The following FAM117B variants were observed in gnomAD, a reference collection of about 807,000 sequenced individuals.
The protein encoded by FAM117B is family with sequence similarity 117 member B, also known as protein FAM117B.
In FAM117B, 22 loss-of-function variants were observed where a neutral mutation model predicts 52.8. The observed-to-expected ratio is 0.42, with a 90% CI of 0.30 to 0.59. FAM117B has a LOEUF of 0.59. FAM117B is among the 20% of genes least tolerant of loss of function. FAM117B has a pLI of 0.22. For missense variants in FAM117B, 678 were observed against 802.6 expected (o/e 0.84, Z 1.88); for synonymous variants, 309 against 324.1 (o/e 0.95, Z 0.50).
intron 3 of FAM117B, 152 bp downstream of exon 3, chr2:202,725,161 AT>A (rs1183439932): frequency 4.1e-6 from 2 of 493,624 alleles, no homozygotes; most frequent in African/African-American, 3.9e-5. Context: ...TATTGTGTTG[AT>A]TTAATAAAGA....
chr2:202,640,293 AAAATATATATATATATATATAT>A (rs1434393256), intron 1 of FAM117B, among the ~76,000 whole-genome samples: 13 of 61,684 alleles, frequency 2.1e-4, no homozygotes, highest in South Asian at 5.2e-4. Context: ...CCACCACCAC[AAAATATATATATATATATATAT>A]ATATATATAT....
intron 1 of FAM117B, among the ~76,000 whole-genome samples, chr2:202,694,651 A>C (rs1298541097): frequency 1.3e-5 from 2 of 152,076 alleles, no homozygotes; most frequent in Non-Finnish European, 2.9e-5. Context: ...TTGTTTGCTC[A>C]GAAATGAAAC....
chr2:202,715,580 C>T (rs1240671872), intron 2 of FAM117B, among the ~76,000 whole-genome samples: 10 of 150,794 alleles, frequency 6.6e-5, no homozygotes, highest in African/African-American at 2.2e-4. Flanking sequence ...CGGGAAGAGG[C>T]GCTCCTCACT....
At chr2:202,747,915 T>C (rs778271902) in intron 4 of FAM117B, among the ~76,000 whole-genome samples, 4 of 152,114 alleles carry the variant, frequency 2.6e-5, no homozygotes, top group Non-Finnish European at 5.9e-5. Flanking sequence ...AAATATTAAT[T>C]GTTTATGTTA....
intron 2 of FAM117B, among the ~76,000 whole-genome samples, chr2:202,699,161 T>A (rs1412904537): frequency 2.0e-5 from 3 of 152,064 alleles, no homozygotes; most frequent in Non-Finnish European, 4.4e-5. Context: ...GTGTGGTGGC[T>A]CACGCCTGTA....
chr2:202,696,004 C>T lies in FAM117B; in HGVS notation c.725C>T (p.Ala242Val), dbSNP rs1236483370. 7 of 1,613,984 alleles carry T rather than the reference C, an allele frequency of 4.3e-6. No individual in the cohort carries two copies. The highest frequency in any genetic ancestry group is 1.3e-5 in the African/African-American group (1 of 74,928). Reference sequence around the variant, plus strand: ...CCTCGGGATAGCCATGGGCAAGCTGCACCTTGCATGAGGGACAAAGCTACA... The same window carrying T: ...CCTCGGGATAGCCATGGGCAAGCTGTACCTTGCATGAGGGACAAAGCTACA... ...HWPRDSHGQA[A>V]PCMRDKATQT... Residue 242 changes from alanine (A) to valine (V), a missense_variant, in exon 2 of 8, where the codon GCA becomes GTA. By Grantham distance (64) the Ala-to-Val change is moderately conservative. This residue lies in a region of FAM117B where 583 missense variants were observed against 644.8 expected (regional missense o/e 0.90). Coordinates refer to ENST00000392238, the MANE Select transcript of FAM117B (RefSeq NM_173511.4).
At chr2:202,697,573 T>G (rs116399885) in intron 2 of FAM117B, among the ~76,000 whole-genome samples, 2,304 of 150,578 alleles carry the variant, frequency 0.015, 67 homozygotes, top group African/African-American at 0.053. Context: ...TCCCCTGAGA[T>G]AGAATCTCGC....
At chr2:202,688,472 A>G (rs1297612120) in intron 1 of FAM117B, among the ~76,000 whole-genome samples, 1 of 152,164 alleles carries the variant, frequency 6.6e-6, no homozygotes, top group Non-Finnish European at 1.5e-5. Flanking sequence ...AATCAACTAC[A>G]GTTATTTTTA....
chr2:202,696,426 G>A (rs1690713226), intron 2 of FAM117B, among the ~76,000 whole-genome samples: 1 of 152,058 alleles, frequency 6.6e-6, no homozygotes. Flanking sequence ...AAAAAAAATT[G>A]CAAAAAATTC....
chr2:202,758,615 A>T (rs1031199144), intron 6 of FAM117B, among the ~76,000 whole-genome samples: 30 of 152,218 alleles, frequency 2.0e-4, no homozygotes, highest in African/African-American at 7.0e-4. Flanking sequence ...AGTTAATATA[A>T]ATTGAGGATA....
intron 2 of FAM117B, among the ~76,000 whole-genome samples, chr2:202,723,246 T>A (rs1443526236): frequency 6.6e-6 from 1 of 152,172 alleles, no homozygotes; most frequent in Non-Finnish European, 1.5e-5. Context: ...TTTTGAAAAC[T>A]TTTCCTTCCC....
At chr2:202,654,465 A>C (rs1003316961) in intron 1 of FAM117B, among the ~76,000 whole-genome samples, 112 of 152,038 alleles carry the variant, frequency 7.4e-4, no homozygotes, top group African/African-American at 2.6e-3. Context: ...GAGTAGTTTT[A>C]ATGTCTTCAA....
At chr2:202,757,732 C>T (rs1190743404) in intron 6 of FAM117B, among the ~76,000 whole-genome samples, 1 of 152,154 alleles carries the variant, frequency 6.6e-6, no homozygotes, top group East Asian at 1.9e-4. Flanking sequence ...TGAGCACTTG[C>T]TCTGAAAAGC....
At chr2:202,714,274 A>G (rs1369260156) in intron 2 of FAM117B, among the ~76,000 whole-genome samples, 4 of 152,148 alleles carry the variant, frequency 2.6e-5, no homozygotes. Flanking sequence ...AAGAATGTGT[A>G]TTCTACAGCT....
chr2:202,725,739 A>G (rs1003776798), intron 3 of FAM117B, among the ~76,000 whole-genome samples: 1 of 152,216 alleles, frequency 6.6e-6, no homozygotes. Flanking sequence ...TGACATTTTC[A>G]TTTCACACAT....
rs1300299399 is a variant in FAM117B at position 202,767,758 on chromosome 2, G to A, written c.*1994G>A. The stretch of plus-strand genomic sequence containing the variant: ...AGCAATTTAAAATAATCCCTGTTGA[G>A]TTTAAATTCGAGATGCATTTAGGTA... On this transcript the variant is annotated 3_prime_UTR_variant, in exon 8 of 8. Coordinates refer to ENST00000392238, the MANE Select transcript of FAM117B (RefSeq NM_173511.4). 6.6e-6 allele frequency: 1 copy of A among 152,170 alleles called. No individual in the cohort carries two copies. Among genetic ancestry groups the A allele is most frequent in the East Asian group, 1.9e-4 (1 of 5,202 alleles). The allele number at this position is 152,170 out of a possible 1,614,324, so 9.4% of individuals were successfully genotyped here.
intron 2 of FAM117B, among the ~76,000 whole-genome samples, chr2:202,724,688 TA>T (rs1314841538): frequency 1.3e-5 from 2 of 152,160 alleles, no homozygotes; most frequent in Non-Finnish European, 2.9e-5. Flanking sequence ...TATAATTATG[TA>T]AAAATACTAA....
intron 1 of FAM117B, among the ~76,000 whole-genome samples, chr2:202,643,024 G>A (rs984302829): frequency 2.6e-5 from 4 of 152,204 alleles, no homozygotes; most frequent in Non-Finnish European, 5.9e-5. Context: ...ATAGGCCTTT[G>A]AATCTGGCAT....
In FAM117B at chr2:202,769,522, T is replaced by C. The variant is rs139674857; in HGVS notation, c.*3758T>C. The stretch of plus-strand genomic sequence containing the variant: ...ACAGCATTTTGTTTATACAGTCTTG[T>C]TTAAGAATAGAATTTTTTTAACTCT... On this transcript the variant is annotated 3_prime_UTR_variant, in exon 8 of 8. Coordinates refer to ENST00000392238, the MANE Select transcript of FAM117B (RefSeq NM_173511.4). 3.6e-3 allele frequency: 545 copies of C among 152,750 alleles called. 1 individual carries two copies. The highest frequency in any genetic ancestry group is 6.3e-3 in the Non-Finnish European group (430 of 68,020). 9.5% of individuals were successfully genotyped at this position (152,750 alleles called of 1,614,324 possible).
Sources: gnomAD v4.1 joint callset for allele counts (sites outside exome capture counted in the v4.1 genomes callset) on GRCh38, gnomAD v4.1.1 for gene constraint, gnomAD v4.1.1 regional missense constraint, MANE v1.5 for transcripts, NCBI Gene and HGNC (gene_info 2026-07-23, HGNC 2026-07-21) for gene names.